Variants in MDN1 observed in about 807,000 individuals in gnomAD.
MDN1 encodes the protein midasin.
In MDN1, 266 loss-of-function variants were observed where a neutral mutation model predicts 669.2. The observed-to-expected ratio is 0.40, with a 90% CI of 0.36 to 0.44. The LOEUF is 0.44. MDN1 is among the 20% of genes least tolerant of loss of function. MDN1 has a pLI of 1.00. For missense variants in MDN1, 5,940 were observed against 6,754.0 expected, an observed-to-expected ratio of 0.88 and a Z score of 4.22; for synonymous variants, 2,385 against 2,457.1, an observed-to-expected ratio of 0.97 and a Z score of 0.87.
At chr6:89,692,375 G>A (rs1812427914) in intron 63 of MDN1, 68 bp downstream of exon 63, 9 of 1,414,262 alleles carry the variant, frequency 6.4e-6, no homozygotes, top group African/African-American at 1.4e-5. Context: ...TGTCCTGCAG[G>A]CCGCCCTGCT....
At chr6:89,648,189 C>A (rs1203790230) in intron 98 of MDN1, 43 bp from the exon 99 acceptor site, 4 of 1,606,642 alleles carry the variant, frequency 2.5e-6, no homozygotes, top group Non-Finnish European at 3.4e-6. Flanking sequence ...TATTTTTTGG[C>A]TGTGTGATCA....
chr6:89,689,871 C>T lies in MDN1; in HGVS notation c.11022G>A (p.Met3674Ile). 6.2e-7 allele frequency: 1 copy of T among 1,613,694 alleles called. No homozygotes were observed. The highest frequency in any genetic ancestry group is 8.5e-7 in the Non-Finnish European group (1 of 1,179,876). ...CATAACAAAAGTAAACTACCATACC[C>T]ATCAGGGGGTAGAAGTGTGTCACAA... ...ASLVTHFYPL[M>I]GVELNDRLLG... Residue 3674 changes from methionine to isoleucine, a missense_variant and splice_region_variant, in exon 65 of 102, where the codon ATG becomes ATA. By Grantham distance (10) the Met-to-Ile change is conservative. Around this residue, in one of 5 missense-constraint regions of MDN1, gnomAD observed 2,280 missense variants for 2,576.3 expected, o/e 0.88. Coordinates refer to ENST00000369393, the MANE Select transcript of MDN1 (RefSeq NM_014611.3).
intron 71 of MDN1, 126 bp from the exon 72 acceptor site, chr6:89,684,030 A>G: frequency 1.4e-6 from 1 of 694,838 alleles, no homozygotes; most frequent in Non-Finnish European, 2.5e-6. Context: ...GTGTCAGTGA[A>G]CAAGTAAAAC....
rs746834930 is a variant in MDN1, at chr6:89,794,567, A to C, written c.554+10T>G. On this transcript the variant is annotated intron_variant, in intron 3 of 101. Transcript: ENST00000369393. ...CACTAGAAGTGCAAAAAAGTCTAAC[A>C]GCTACGCACCAGCGAACCAAGGTGT... 1.2e-6 allele frequency: 2 copies of C among 1,612,254 alleles called. No homozygotes were observed. Among genetic ancestry groups the C allele is most frequent in the South Asian group, 2.2e-5 (2 of 90,994 alleles).
chr6:89,682,545 A>T (rs1340262788), intron 73 of MDN1, among the ~76,000 whole-genome samples: 2 of 151,862 alleles, frequency 1.3e-5, no homozygotes, highest in Non-Finnish European at 2.9e-5. Flanking sequence ...TGTCTCTACT[A>T]AAAATACAAA....
intron 95 of MDN1, 100 bp from the exon 96 acceptor site, chr6:89,650,947 G>T: frequency 1.2e-6 from 1 of 825,568 alleles, no homozygotes; most frequent in Non-Finnish European, 2.0e-6. Flanking sequence ...AAAATGACCT[G>T]CATGAACTTT....
In MDN1 at chr6:89,790,498, C is replaced by T. The variant is rs1819202865; in HGVS notation, c.856-97G>A. On this transcript the variant is annotated intron_variant, in intron 5 of 101. Coordinates refer to ENST00000369393, the MANE Select transcript of MDN1 (RefSeq NM_014611.3). ...AAGCCTTCTACTAACCTTACACAAA[C>T]CTCTGTAAGTAAATTAGTAGTACCA... 4 of 1,442,478 alleles carry T rather than the reference C, an allele frequency of 2.8e-6. No individual in the cohort carries two copies. The Admixed American group carries it at 6.1e-5, about 22-fold the overall frequency. 89.4% of individuals were successfully genotyped at this position (1,442,478 alleles called of 1,614,324 possible). A position where few individuals can be genotyped will look rare whatever the true frequency, so the allele number is the denominator to read the frequency against.
rs750954237 is a variant in MDN1 at position 89,672,551 on chromosome 6, A to C, written c.13626T>G (p.Asp4542Glu). 6.2e-7 allele frequency: 1 copy of C among 1,611,268 alleles called. No individual in the cohort carries two copies. The highest frequency in any genetic ancestry group is 2.2e-5 in the East Asian group (1 of 44,860). Residue 4542 changes from aspartate to glutamate, a missense_variant, in exon 81 of 102, where the codon GAT (aspartate) becomes GAG (glutamate). By Grantham distance (45) the Asp-to-Glu change is conservative. Coordinates refer to ENST00000369393, the MANE Select transcript of MDN1 (RefSeq NM_014611.3). ...TCTGCCTGATTTCAGACATACCATA[A>C]TCTTCTTGTGGGCTTGCTTGGTCAG... ...ENTDQASPQE[D>E]YAGFERLQSG...
At chr6:89,681,281 C>T (rs1270238365) in intron 73 of MDN1, among the ~76,000 whole-genome samples, 1 of 152,102 alleles carries the variant, frequency 6.6e-6, no homozygotes. Context: ...TCAAGTGATT[C>T]TTGTGCCTCA....
At chr6:89,788,643 A>G (rs1035057535) in intron 7 of MDN1, among the ~76,000 whole-genome samples, 10 of 152,208 alleles carry the variant, frequency 6.6e-5, no homozygotes, top group Admixed American at 5.9e-4. Flanking sequence ...AGTTATCGAG[A>G]GGCTTTTAGG....
At position 89,653,036 on chromosome 6, in the gene MDN1, T is replaced by C. The variant is rs138455168; in HGVS notation, c.15781A>G (p.Thr5261Ala). The stretch of plus-strand genomic sequence containing the variant: ...AGGAATTGATGAGCTGTATGAATGG[T>C]AGACTCTCGGCTTCTTTCTGGTTTC... ...NEKPERSRES[T>A]IHTAHQFLMD... Residue 5261 changes from threonine to alanine, a missense_variant, in exon 94 of 102, where the codon ACC (threonine) becomes GCC (alanine). Physicochemically the swap from Thr to Ala is moderately conservative, Grantham distance 58 (BLOSUM62 0). Transcript: ENST00000369393. 45 of 1,614,186 alleles carry C rather than the reference T, an allele frequency of 2.8e-5. No homozygotes were observed. In the African/African-American group the frequency reaches 3.9e-4, roughly 14 times the overall value.
At chr6:89,667,256 C>A (rs1810324989) in intron 84 of MDN1, among the ~76,000 whole-genome samples, 1 of 149,496 alleles carries the variant, frequency 6.7e-6, no homozygotes, top group African/African-American at 2.5e-5. Flanking sequence ...AATAACAAAG[C>A]AATTATCTAA....
At chr6:89,781,128 A>G (rs1402909930) in intron 10 of MDN1, 2 of 437,950 alleles carry the variant, frequency 4.6e-6, no homozygotes, top group Non-Finnish European at 8.3e-6. Flanking sequence ...TTGGTCTTTA[A>G]AAGTTATTTT....
chr6:89,780,704 G>A (rs1281828792), intron 10 of MDN1, among the ~76,000 whole-genome samples: 4 of 146,816 alleles, frequency 2.7e-5, no homozygotes, highest in Non-Finnish European at 5.9e-5. Flanking sequence ...GGAGTGCAGT[G>A]CGTGATCTCG....
chr6:89,764,113 G>A (rs1163289181), intron 15 of MDN1, among the ~76,000 whole-genome samples: 1 of 152,146 alleles, frequency 6.6e-6, no homozygotes, highest in African/African-American at 2.4e-5. Flanking sequence ...CTACTTGGGA[G>A]GCTAAGAAAG....
Position 89,655,861 on chromosome 6 carries a change from C to G in MDN1, c.15393G>C (p.Glu5131Asp). The part of the protein sequence containing the change: ...LRTVDTDSHA[E>D]QGPAQQPQAQ... ...CCTGGGGCTGCTGAGCTGGCCCCTG[C>G]TCGGCATGGCTGTCCGTATCCACAG... is the stretch of plus-strand genomic sequence containing the variant. Residue 5131 changes from glutamate (E) to aspartate (D), a missense_variant, in exon 92 of 102, where the codon GAG (glutamate) becomes GAC (aspartate). Physicochemically the swap from Glu to Asp is conservative, Grantham distance 45. Coordinates refer to ENST00000369393, the MANE Select transcript of MDN1 (RefSeq NM_014611.3). 1.9e-6 allele frequency: 3 copies of G among 1,614,130 alleles called. No homozygotes were observed. Among genetic ancestry groups the G allele is most frequent in the Non-Finnish European group, 1.7e-6 (2 of 1,180,016 alleles).
In MDN1 at chr6:89,674,429, G is replaced by A. The variant is rs1184710341; in HGVS notation, c.12922C>T (p.Leu4308Phe). 1 of 1,614,158 alleles carries A rather than the reference G, an allele frequency of 6.2e-7. No individual in the cohort carries two copies. The highest frequency in any genetic ancestry group is 8.5e-7 in the Non-Finnish European group (1 of 1,180,010). ...QILLEQLSWL[L>F]QCCPSVGPAP... ...GGCCCTACACTGGGGCAGCACTGGA[G>A]GAGCCAGGAGAGCTGCTCAAGCAGG... is the stretch of plus-strand genomic sequence containing the variant. Residue 4308 changes from leucine to phenylalanine, a missense_variant, in exon 79 of 102, where the codon CTC (leucine) becomes TTC (phenylalanine). Coordinates refer to ENST00000369393, the MANE Select transcript of MDN1 (RefSeq NM_014611.3).
At chr6:89,682,703 A>AAAAAAAAAAC (rs1811709837) in intron 73 of MDN1, among the ~76,000 whole-genome samples, 1 of 111,030 alleles carries the variant, frequency 9.0e-6, no homozygotes, top group Non-Finnish European at 2.1e-5. Context: ...CTGTCTTAAA[A>AAAAAAAAAAC]AAAAAAAAAA....
intron 52 of MDN1, 58 bp downstream of exon 52, chr6:89,707,303 T>C: frequency 7.9e-7 from 1 of 1,265,030 alleles, no homozygotes; most frequent in South Asian, 1.2e-5. Context: ...CTCTCAACTT[T>C]AGCAACATTA....
Sources: gnomAD v4.1 joint callset for allele counts (sites outside exome capture counted in the v4.1 genomes callset) on GRCh38, gnomAD v4.1.1 for gene constraint, gnomAD v4.1.1 regional missense constraint, MANE v1.5 for transcripts, NCBI Gene and HGNC (gene_info 2026-07-23, HGNC 2026-07-21) for gene names.